Variants in MEF2B observed in about 807,000 individuals in gnomAD.
MEF2B encodes the protein myocyte-specific enhancer factor 2B.
Under a neutral mutation model 32.2 loss-of-function variants are expected in MEF2B, and 15 were observed. The observed-to-expected ratio is 0.47, with a 90% CI of 0.31 to 0.72. The LOEUF is 0.72. Ranked by LOEUF, MEF2B falls within the 30% of genes least tolerant of loss-of-function variation. The probability of loss-of-function intolerance (pLI) is 0.05; values close to 1 mark genes in which losing one functional copy is unlikely to be tolerated. For missense variants in MEF2B, 441 were observed against 511.5 expected (o/e 0.86, Z 1.33); for synonymous variants, 205 against 225.6 (o/e 0.91, Z 0.82).
At chr19:19,161,233 C>T (rs1208325296) in intron 1 of MEF2B, among the ~76,000 whole-genome samples, 1 of 152,014 alleles carries the variant, frequency 6.6e-6, no homozygotes. Flanking sequence ...GAACCCAGCT[C>T]AGATTGCGGG....
chr19:19,150,540 AAAAG>A (rs2060070396), intron 2 of MEF2B, 138 bp downstream of exon 2: 9 of 1,132,666 alleles, frequency 7.9e-6, no homozygotes, highest in South Asian at 1.8e-5. Context: ...AAAAAAAAAA[AAAAG>A]AAAGGCTGAC....
At chr19:19,150,154 AGGAGGGAGGGAGGGAAGGAGGGAGGGAG>A in intron 2 of MEF2B, among the ~76,000 whole-genome samples, 2 of 112,326 alleles carry the variant, frequency 1.8e-5, no homozygotes, top group African/African-American at 7.0e-5. Context: ...GAGGGAGGGA[AGGAGGGAGGGAGGGAAGGAGGGAGGGAG>A]GGAAGGAAGG....
intron 7 of MEF2B, 80 bp downstream of exon 7, chr19:19,146,475 T>A: frequency 7.2e-7 from 1 of 1,380,278 alleles, no homozygotes; most frequent in Non-Finnish European, 9.7e-7. Flanking sequence ...TGAGTTCTGG[T>A]GGGTGGGAGG....
At chr19:19,153,908 G>A (rs908098281) in intron 1 of MEF2B, among the ~76,000 whole-genome samples, 7 of 152,064 alleles carry the variant, frequency 4.6e-5, no homozygotes, top group Admixed American at 1.3e-4. Context: ...GTGCCACCAC[G>A]CCCTGCTAGT....
chr19:19,145,652 G>C lies in MEF2B; in HGVS notation c.*145C>G. 3 of 1,524,004 alleles carry C rather than the reference G, an allele frequency of 2.0e-6. No individual in the cohort carries two copies. Among genetic ancestry groups the C allele is most frequent in the Non-Finnish European group, 2.6e-6 (3 of 1,133,138 alleles). The allele number at this position is 1,524,004 out of a possible 1,614,324, so 94.4% of individuals were successfully genotyped here. ...AAAGGAGCCCCCCAGGGTGGATTGA[G>C]TCCAGCCGCCCACCTCCAAGCCCCC... On this transcript the variant is annotated 3_prime_UTR_variant, in exon 9 of 9. Transcript: ENST00000424583. The surrounding 1 kb of genome is among the most constrained non-coding windows in gnomAD (Gnocchi z 4.6).
At chr19:19,161,798 TTTC>T (rs945573021) in intron 1 of MEF2B, among the ~76,000 whole-genome samples, 1 of 144,460 alleles carries the variant, frequency 6.9e-6, no homozygotes, top group African/African-American at 2.5e-5. Flanking sequence ...ACACTCTAGC[TTTC>T]TTCTTTTTTG....
chr19:19,152,280 AC>A (rs1278154405), intron 1 of MEF2B, among the ~76,000 whole-genome samples: 52 of 150,622 alleles, frequency 3.5e-4, no homozygotes, highest in Non-Finnish European at 5.9e-5. Context: ...GCAAAAATTA[AC>A]CAGCTGTCGT....
intron 1 of MEF2B, among the ~76,000 whole-genome samples, chr19:19,153,932 T>C (rs2060102531): frequency 6.6e-6 from 1 of 151,874 alleles, no homozygotes; most frequent in Non-Finnish European, 1.5e-5. Flanking sequence ...TATTTTCTTT[T>C]TGTAGAGATG....
chr19:19,160,005 G>C, intron 1 of MEF2B, among the ~76,000 whole-genome samples: 1 of 143,710 alleles, frequency 7.0e-6, no homozygotes, highest in Non-Finnish European at 1.5e-5. Flanking sequence ...GTCTCGCTCT[G>C]TTGCCCAGGC....
At chr19:19,162,122 T>C (rs1391035753) in intron 1 of MEF2B, among the ~76,000 whole-genome samples, 1 of 151,002 alleles carries the variant, frequency 6.6e-6, no homozygotes, top group Non-Finnish European at 1.5e-5. Flanking sequence ...TTTTTAATTA[T>C]TATTATTTTT....
At chr19:19,167,149 G>C (rs1033479373) in intron 1 of MEF2B, among the ~76,000 whole-genome samples, 1 of 152,068 alleles carries the variant, frequency 6.6e-6, no homozygotes, top group Non-Finnish European at 1.5e-5. Flanking sequence ...TCAGGAGTTT[G>C]AGACCAGCTT....
Position 19,161,519 on chromosome 19 carries a change from C to T in MEF2B, c.-30+8686G>A, listed in dbSNP as rs148840183. On this transcript the variant is annotated intron_variant, in intron 1 of 8. Coordinates refer to ENST00000424583, the MANE Select transcript of MEF2B (RefSeq NM_001145785.2). ...AACACACACATCCCCAAAACACATC[C>T]TATTCCCTCTGCATAGACAGACCCC... 2.1e-4 allele frequency among the ~76,000 whole-genome samples: 32 copies of T among 152,146 alleles called. No homozygotes were observed. In the East Asian group the frequency reaches 4.6e-3, roughly 22 times the overall value.
intron 1 of MEF2B, among the ~76,000 whole-genome samples, chr19:19,167,500 C>T (rs896329711): frequency 6.6e-6 from 1 of 152,018 alleles, no homozygotes; most frequent in Non-Finnish European, 1.5e-5. Context: ...CTAGCCTGGG[C>T]AACAGAGCAA....
chr19:19,148,751 G>T (rs2060048696), intron 3 of MEF2B, among the ~76,000 whole-genome samples: 1 of 151,290 alleles, frequency 6.6e-6, no homozygotes, highest in African/African-American at 2.4e-5. Flanking sequence ...TTGCTCTGTT[G>T]CCCAGGCTGG....
In MEF2B at chr19:19,147,114, T is replaced by A; in HGVS notation, c.463A>T (p.Ser155Cys). 1 of 1,607,630 alleles carries A rather than the reference T, an allele frequency of 6.2e-7. No individual in the cohort carries two copies. The highest frequency in any genetic ancestry group is 8.5e-7 in the Non-Finnish European group (1 of 1,177,986). The change falls in exon 5 of 9, where the codon AGT (serine) becomes TGT (cysteine). Residue 155 changes from serine (S) to cysteine (C), a missense_variant. Ser to Cys is a moderately radical substitution (Grantham distance 112). Transcript: ENST00000424583. The part of the protein sequence containing the change: ...GALPPPGCDP[S>C]GLGEALPAQS... ...GCGGGCAGTGCTTCCCCAAGCCCAC[T>A]GGGGTCACAGCCTGGTGGCGGTAAG...
intron 2 of MEF2B, among the ~76,000 whole-genome samples, chr19:19,150,370 C>A (rs66725322): frequency 0.57 from 85,943 of 151,430 alleles, 25,094 homozygotes; most frequent in East Asian, 0.75. Context: ...TCTACTAAAA[C>A]TGCAAAATTA....
chr19:19,147,936 T>C lies in MEF2B; in HGVS notation c.259-104A>G, dbSNP rs1599719521. On this transcript the variant is annotated intron_variant, in intron 3 of 8. Transcript: ENST00000424583. ...GACCATCCCCACCCAGCTCCATGAG[T>C]GGGGAGGAATGCAGGCATGGCCTGC... is the stretch of plus-strand genomic sequence containing the variant. 3 of 1,477,002 alleles carry C rather than the reference T, an allele frequency of 2.0e-6. No homozygotes were observed. The East Asian group carries it at 7.2e-5, about 35-fold the overall frequency. 91.5% of individuals were successfully genotyped at this position (1,477,002 alleles called of 1,614,324 possible).
chr19:19,145,903 G>A lies in MEF2B; in HGVS notation c.1001C>T (p.Pro334Leu). Residue 334 changes from proline to leucine, a missense_variant, in exon 9 of 9, where the codon CCT (proline) becomes CTT (leucine). This residue lies in a region of MEF2B where 326 missense variants were observed against 328.4 expected (regional missense o/e 0.99). Coordinates refer to ENST00000424583, the MANE Select transcript of MEF2B (RefSeq NM_001145785.2). The surrounding 1 kb of genome is among the most constrained non-coding windows in gnomAD (Gnocchi z 4.6). ...GAGCAAGGGATAGGGGAAGGTCTTAGGAAAGTCGCCGGGGCCCCCGGGGGC... is the reference window on the plus strand; with the variant it reads ...GAGCAAGGGATAGGGGAAGGTCTTAAGAAAGTCGCCGGGGCCCCCGGGGGC... Reference protein sequence around the residue: ...SPAPGGPGDFPKTFPYPLLLA... With the variant: ...SPAPGGPGDFLKTFPYPLLLA... The A allele has an allele frequency of 6.9e-7, 1 of 1,449,498 alleles. No individual in the cohort carries two copies. The highest frequency in any genetic ancestry group is 1.4e-5 in the South Asian group (1 of 69,058). 89.8% of individuals were successfully genotyped at this position (1,449,498 alleles called of 1,614,324 possible).
rs1481979192 is a variant in MEF2B, at chr19:19,150,454, G to T, written c.54+228C>A. Reference sequence around the variant, plus strand: ...AGGAAGAATCGTTTGAACCCGGGAGGCAGAGGTTGCAGTAAGCTGAGATTG... The same window carrying T: ...AGGAAGAATCGTTTGAACCCGGGAGTCAGAGGTTGCAGTAAGCTGAGATTG... On this transcript the variant is annotated intron_variant, in intron 2 of 8. Coordinates refer to ENST00000424583, the MANE Select transcript of MEF2B (RefSeq NM_001145785.2). Among the ~76,000 whole-genome samples, 5 of 150,780 alleles carry T rather than the reference G, an allele frequency of 3.3e-5. No homozygotes were observed. The East Asian group carries it at 7.8e-4, about 24-fold the overall frequency.
Sources: allele counts gnomAD v4.1 joint callset (sites outside exome capture counted in the v4.1 genomes callset), GRCh38; gene constraint gnomAD v4.1.1; regional missense constraint gnomAD v4.1.1; non-coding constraint Gnocchi (gnomAD v3.1); transcripts MANE v1.5; gene names NCBI Gene and HGNC (gene_info 2026-07-23, HGNC 2026-07-21).